The following EPHB1 variants were observed in gnomAD, a reference collection of about 807,000 sequenced individuals.
The protein encoded by EPHB1 is ephrin type-B receptor 1.
EPHB1 carries 30 observed loss-of-function variants against 94.4 expected under a neutral mutation model. That is an observed-to-expected ratio of 0.32 (90% CI 0.24 to 0.43). EPHB1 has a LOEUF of 0.43. Among genes scored for constraint, EPHB1 ranks in the 20% least tolerant of loss-of-function variants. The probability of loss-of-function intolerance (pLI) is 1.00; values close to 1 mark genes in which losing one functional copy is unlikely to be tolerated. For missense variants in EPHB1, 1,055 were observed against 1,308.3 expected (o/e 0.81, Z 2.99); for synonymous variants, 522 against 489.1 (o/e 1.07, Z -0.89).
chr3:134,957,335 C>T (rs944668042), intron 3 of EPHB1, among the ~76,000 whole-genome samples: 3 of 152,236 alleles, frequency 2.0e-5, no homozygotes, highest in Non-Finnish European at 1.5e-5. Context: ...GAAAGGGACC[C>T]CAGGGTAGGT....
chr3:134,842,549 C>G (rs770862687), intron 1 of EPHB1, among the ~76,000 whole-genome samples: 5 of 152,212 alleles, frequency 3.3e-5, no homozygotes, highest in African/African-American at 9.6e-5. Context: ...AACCCAAAAT[C>G]CCTCTAAGTT....
chr3:134,804,069 C>CCTTTTTTTTTTTTTTTTTTTTTT (rs2035985147), intron 1 of EPHB1, among the ~76,000 whole-genome samples: 1 of 51,810 alleles, frequency 1.9e-5, no homozygotes, highest in South Asian at 4.6e-4. Context: ...TCATTATTGG[C>CCTTTTTTTTTTTTTTTTTTTTTT]TATTTTTTTT....
intron 2 of EPHB1, among the ~76,000 whole-genome samples, chr3:134,926,571 A>G (rs1279355098): frequency 2.6e-5 from 4 of 152,202 alleles, no homozygotes; most frequent in Admixed American, 6.5e-5. Context: ...GTTGAAAGGG[A>G]TGATGAGATT....
At chr3:135,180,643 A>G (rs750692378) in intron 10 of EPHB1, among the ~76,000 whole-genome samples, 1 of 152,190 alleles carries the variant, frequency 6.6e-6, no homozygotes, top group Non-Finnish European at 1.5e-5. Context: ...ACTGCCTGAG[A>G]TGCTCTCAGG....
chr3:134,828,806 G>A (rs973855989), intron 1 of EPHB1, among the ~76,000 whole-genome samples: 1 of 152,176 alleles, frequency 6.6e-6, no homozygotes, highest in African/African-American at 2.4e-5. Flanking sequence ...TCAGGGCATA[G>A]ACACCTGGAT....
chr3:135,240,233 G>T (rs1943749366), intron 12 of EPHB1, among the ~76,000 whole-genome samples: 1 of 152,150 alleles, frequency 6.6e-6, no homozygotes, highest in African/African-American at 2.4e-5. Context: ...CAGCTTGAGG[G>T]CAGGGACACT....
intron 4 of EPHB1, among the ~76,000 whole-genome samples, chr3:135,118,730 A>G (rs1299579829): frequency 6.6e-6 from 1 of 152,196 alleles, no homozygotes; most frequent in Non-Finnish European, 1.5e-5. Context: ...CGGCTGGGAA[A>G]GGTGTCTTCT....
intron 2 of EPHB1, among the ~76,000 whole-genome samples, chr3:134,948,655 C>T (rs572655650): frequency 7.9e-5 from 12 of 152,326 alleles, no homozygotes; most frequent in East Asian, 7.7e-4. Context: ...ACATCTCTTC[C>T]GTGTTGGCCA....
intron 3 of EPHB1, among the ~76,000 whole-genome samples, chr3:135,053,833 T>G (rs1937265850): frequency 6.6e-6 from 1 of 151,810 alleles, no homozygotes; most frequent in South Asian, 2.1e-4. Flanking sequence ...AAAAAAGAAT[T>G]TTTTCAAAAA....
At chr3:134,944,835 A>G (rs575740266) in intron 2 of EPHB1, among the ~76,000 whole-genome samples, 23 of 152,338 alleles carry the variant, frequency 1.5e-4, no homozygotes, top group Middle Eastern at 6.8e-3. Flanking sequence ...AATTTTGATA[A>G]ATAAAACCAA....
intron 3 of EPHB1, among the ~76,000 whole-genome samples, chr3:134,961,262 C>T (rs1933508297): frequency 6.6e-6 from 1 of 152,142 alleles, no homozygotes; most frequent in Non-Finnish European, 1.5e-5. Context: ...CTCTGGAGAA[C>T]CTGATGGAGC....
intron 1 of EPHB1, among the ~76,000 whole-genome samples, chr3:134,862,057 G>A (rs529954148): frequency 6.6e-5 from 10 of 152,226 alleles, no homozygotes; most frequent in Admixed American, 5.9e-4. Flanking sequence ...GGATTCCCGA[G>A]AACATTGATC....
chr3:135,206,890 C>T (rs1243655425), intron 12 of EPHB1, among the ~76,000 whole-genome samples: 2 of 151,884 alleles, frequency 1.3e-5, no homozygotes, highest in East Asian at 1.9e-4. Flanking sequence ...GCAAGTTATC[C>T]TTCATTATCC....
chr3:135,169,101 T>C (rs1659595388), intron 9 of EPHB1, among the ~76,000 whole-genome samples: 1 of 152,186 alleles, frequency 6.6e-6, no homozygotes, highest in African/African-American at 2.4e-5. Flanking sequence ...GGTGCCCATG[T>C]GCACAAAAGC....
chr3:135,104,016 G>A (rs1939119041), intron 3 of EPHB1, among the ~76,000 whole-genome samples: 1 of 152,196 alleles, frequency 6.6e-6, no homozygotes, highest in Admixed American at 6.5e-5. Flanking sequence ...GGAAAGAAAG[G>A]GAAAACACCT....
chr3:134,981,356 A>G (rs758195523), intron 3 of EPHB1, among the ~76,000 whole-genome samples: 10 of 152,186 alleles, frequency 6.6e-5, no homozygotes, highest in Admixed American at 2.6e-4. Context: ...GTGTTCATCA[A>G]GGGTAGGCAG....
At chr3:134,938,380 A>G (rs2039050233) in intron 2 of EPHB1, among the ~76,000 whole-genome samples, 1 of 152,186 alleles carries the variant, frequency 6.6e-6, no homozygotes, top group Non-Finnish European at 1.5e-5. Context: ...ATGCCGGAGT[A>G]TAAAGAGGTG....
intron 3 of EPHB1, among the ~76,000 whole-genome samples, chr3:134,990,358 A>T (rs1255928617): frequency 6.6e-6 from 1 of 152,092 alleles, no homozygotes; most frequent in African/African-American, 2.4e-5. Context: ...ATTTTAAGAA[A>T]TTTTTTTATT....
intron 3 of EPHB1, among the ~76,000 whole-genome samples, chr3:134,972,205 T>G (rs544233539): frequency 1.3e-5 from 2 of 152,076 alleles, no homozygotes; most frequent in South Asian, 4.2e-4. Context: ...ACCTGTCCTT[T>G]TCCCTTCCTT....
Sources: gnomAD v4.1 joint callset for allele counts (sites outside exome capture counted in the v4.1 genomes callset) on GRCh38, gnomAD v4.1.1 for gene constraint, MANE v1.5 for transcripts, NCBI Gene and HGNC (gene_info 2026-07-23, HGNC 2026-07-21) for gene names.